Variants in PHACTR1 observed in about 807,000 individuals in gnomAD.
PHACTR1 encodes the protein phosphatase and actin regulator 1.
PHACTR1 carries 16 observed loss-of-function variants against 69.2 expected under a neutral mutation model. That is an observed-to-expected ratio of 0.23 (90% CI 0.16 to 0.35). The LOEUF (loss-of-function observed/expected upper bound fraction) is 0.35. Among genes scored for constraint, PHACTR1 ranks in the 10% least tolerant of loss-of-function variants. The pLI, the probability that PHACTR1 is intolerant of heterozygous loss-of-function variation, is 1.00. For missense variants in PHACTR1, 510 were observed against 734.7 expected, an observed-to-expected ratio of 0.69 and a Z score of 3.54; for synonymous variants, 312 against 284.5, an observed-to-expected ratio of 1.10 and a Z score of -0.97.
chr6:13,252,374 TA>T (rs1301955162), intron 10 of PHACTR1, among the ~76,000 whole-genome samples: 1 of 150,716 alleles, frequency 6.6e-6, no homozygotes, highest in South Asian at 2.1e-4. Flanking sequence ...GAAAAAAGTC[TA>T]AAAAAGAAAA....
intron 4 of PHACTR1, among the ~76,000 whole-genome samples, chr6:12,818,163 A>G (rs140130363): frequency 1.3e-4 from 20 of 152,270 alleles, no homozygotes; most frequent in African/African-American, 7.2e-5. Context: ...TGTATCAGTT[A>G]GTGTTTGCTA....
chr6:12,760,456 C>T (rs1767898579), intron 4 of PHACTR1, among the ~76,000 whole-genome samples: 1 of 152,120 alleles, frequency 6.6e-6, no homozygotes, highest in African/African-American at 2.4e-5. Context: ...ATGAGAAAGA[C>T]CTACTGGAAA....
At chr6:12,782,963 C>T (rs1275514195) in intron 4 of PHACTR1, among the ~76,000 whole-genome samples, 1 of 152,202 alleles carries the variant, frequency 6.6e-6, no homozygotes, top group Non-Finnish European at 1.5e-5. Context: ...TTCCTGGACT[C>T]AAACATTTAC....
At chr6:13,145,731 G>A (rs1392074177) in intron 5 of PHACTR1, among the ~76,000 whole-genome samples, 2 of 152,132 alleles carry the variant, frequency 1.3e-5, no homozygotes, top group South Asian at 2.1e-4. Flanking sequence ...CAGCAAGAAG[G>A]CAGCCATCCG....
chr6:12,913,404 C>A (rs1454286540), intron 4 of PHACTR1, among the ~76,000 whole-genome samples: 1 of 152,214 alleles, frequency 6.6e-6, no homozygotes, highest in East Asian at 1.9e-4. Context: ...CACTGGGCAA[C>A]CTTGAACTTG....
intron 4 of PHACTR1, among the ~76,000 whole-genome samples, chr6:12,829,272 C>G (rs933778631): frequency 6.6e-6 from 1 of 152,160 alleles, no homozygotes; most frequent in Non-Finnish European, 1.5e-5. Context: ...AGAAAAACAA[C>G]AGCATAGAGG....
At chr6:12,788,088 G>A (rs1442157998) in intron 4 of PHACTR1, among the ~76,000 whole-genome samples, 1 of 151,828 alleles carries the variant, frequency 6.6e-6, no homozygotes, top group African/African-American at 2.4e-5. Flanking sequence ...AGTCTGGGCA[G>A]CAGAGGTTGC....
At chr6:13,133,688 C>G (rs980895544) in intron 5 of PHACTR1, among the ~76,000 whole-genome samples, 14 of 152,066 alleles carry the variant, frequency 9.2e-5, no homozygotes, top group African/African-American at 3.1e-4. Flanking sequence ...CCCAAAGTGC[C>G]GAGATTGCAG....
intron 4 of PHACTR1, among the ~76,000 whole-genome samples, chr6:13,026,661 T>C (rs1801742457): frequency 6.6e-6 from 1 of 152,108 alleles, no homozygotes. Flanking sequence ...GTATGTGTGA[T>C]TCACAGGGTG....
At chr6:13,023,881 A>G (rs1325433797) in intron 4 of PHACTR1, among the ~76,000 whole-genome samples, 1 of 152,248 alleles carries the variant, frequency 6.6e-6, no homozygotes, top group Non-Finnish European at 1.5e-5. Flanking sequence ...GTTCGAGACC[A>G]GCCTGGCCAG....
chr6:12,864,274 G>A (rs537315380), intron 4 of PHACTR1, among the ~76,000 whole-genome samples: 3 of 152,260 alleles, frequency 2.0e-5, no homozygotes, highest in African/African-American at 7.2e-5. Flanking sequence ...CCACAGTGTC[G>A]GGTTCAGTTG....
chr6:12,905,089 C>G (rs1051206929), intron 4 of PHACTR1, among the ~76,000 whole-genome samples: 1 of 152,136 alleles, frequency 6.6e-6, no homozygotes, highest in Non-Finnish European at 1.5e-5. Context: ...ACCTGGGGAA[C>G]TTTTGAAAAA....
At chr6:13,111,591 G>A (rs1404246999) in intron 5 of PHACTR1, among the ~76,000 whole-genome samples, 3 of 151,902 alleles carry the variant, frequency 2.0e-5, no homozygotes, top group African/African-American at 2.4e-5. Flanking sequence ...TCACAACCTC[G>A]GTTATTAATT....
intron 4 of PHACTR1, chr6:12,933,489 A>G: frequency 7.3e-7 from 1 of 1,366,776 alleles, no homozygotes; most frequent in East Asian, 2.3e-5. Flanking sequence ...AAACTAGAAG[A>G]TGGACACAAA....
At chr6:12,793,674 GATTT>G (rs1169241538) in intron 4 of PHACTR1, among the ~76,000 whole-genome samples, 1 of 152,166 alleles carries the variant, frequency 6.6e-6, no homozygotes, top group East Asian at 1.9e-4. Context: ...CAGAATCCAG[GATTT>G]ATGATTCTCA....
intron 7 of PHACTR1, among the ~76,000 whole-genome samples, chr6:13,194,782 T>C (rs1351055169): frequency 6.6e-6 from 1 of 152,204 alleles, no homozygotes; most frequent in African/African-American, 2.4e-5. Context: ...TTATTATTTG[T>C]CTAGTAAAAT....
intron 4 of PHACTR1, among the ~76,000 whole-genome samples, chr6:12,829,800 CA>C (rs35717093): frequency 1.7e-3 from 241 of 138,306 alleles, no homozygotes; most frequent in African/African-American, 3.6e-3. Flanking sequence ...ACTAAAAATA[CA>C]AAAAAAAAAA....
At chr6:13,271,657 T>A (rs973901049) in intron 10 of PHACTR1, among the ~76,000 whole-genome samples, 1 of 152,152 alleles carries the variant, frequency 6.6e-6, no homozygotes, top group Non-Finnish European at 1.5e-5. Flanking sequence ...TAATACAAGA[T>A]AAATGCTATA....
chr6:12,960,681 C>T (rs1340191125), intron 4 of PHACTR1, among the ~76,000 whole-genome samples: 1 of 152,160 alleles, frequency 6.6e-6, no homozygotes, highest in African/African-American at 2.4e-5. Context: ...TTGATTTTTC[C>T]TGCCTCAGCC....
Sources: gnomAD v4.1 joint callset for allele counts (sites outside exome capture counted in the v4.1 genomes callset) on GRCh38, gnomAD v4.1.1 for gene constraint, MANE v1.5 for transcripts, NCBI Gene and HGNC (gene_info 2026-07-23, HGNC 2026-07-21) for gene names.